The following DHX33 variants were observed in gnomAD, a reference collection of about 807,000 sequenced individuals.
The protein encoded by DHX33 is DEAH-box helicase 33.
A neutral mutation model predicts 72.5 loss-of-function variants in DHX33; 42 were observed. The ratio of observed to expected loss-of-function variants is 0.58; its 90% CI spans 0.45 to 0.75. The LOEUF (loss-of-function observed/expected upper bound fraction) is 0.75. DHX33 is among the 30% of genes least tolerant of loss of function. The pLI is 0.00. For synonymous variants in DHX33, 358 were observed against 366.1 expected (o/e 0.98, Z 0.25); for missense variants, 842 against 917.5 (o/e 0.92, Z 1.06).
At chr17:5,445,856 C>A (rs1192215838) in intron 11 of DHX33, among the ~76,000 whole-genome samples, 1 of 152,146 alleles carries the variant, frequency 6.6e-6, no homozygotes, top group Non-Finnish European at 1.5e-5. Flanking sequence ...TCCTGTGACT[C>A]TATTTCCTGC....
intron 1 of DHX33, among the ~76,000 whole-genome samples, chr17:5,467,072 G>T (rs900377454): frequency 6.6e-6 from 1 of 152,168 alleles, no homozygotes; most frequent in Non-Finnish European, 1.5e-5. Context: ...CTAGTAAAAA[G>T]CGCTGCTAAA....
In DHX33 at chr17:5,468,701, C is replaced by A; in HGVS notation, c.159G>T (p.Pro53=). 6.2e-7 allele frequency: 1 copy of A among 1,611,330 alleles called. No homozygotes were observed. Among genetic ancestry groups the A allele is most frequent in the East Asian group, 2.2e-5 (1 of 44,838 alleles). ...RGGGGGRRQQ[P]PLAQPSASPY... ...GACTGGCCGAGGGCTGGGCCAGGGG[C>A]GGCTGCTGCCTCCGGCCTCCTCCTC... The change falls in exon 1 of 12, where the codon CCG becomes CCT. Residue 53 remains proline (P), a synonymous_variant. Coordinates refer to ENST00000225296, the MANE Select transcript of DHX33 (RefSeq NM_020162.4).
chr17:5,461,604 T>A (rs1401490575), intron 3 of DHX33, among the ~76,000 whole-genome samples: 1 of 111,128 alleles, frequency 9.0e-6, no homozygotes, highest in Non-Finnish European at 1.7e-5. Context: ...GGTAACAGAG[T>A]GCAAAAAAAA....
At chr17:5,450,112 C>T (rs1013476496) in intron 10 of DHX33, 91 bp downstream of exon 10, 29 of 1,487,364 alleles carry the variant, frequency 1.9e-5, no homozygotes, top group African/African-American at 2.8e-5. Context: ...AAAGGGAAAG[C>T]GTACTTTTTG....
intron 10 of DHX33, 83 bp downstream of exon 10, chr17:5,450,120 T>G: frequency 6.5e-7 from 1 of 1,538,130 alleles, no homozygotes; most frequent in South Asian, 1.1e-5. Context: ...AGCGTACTTT[T>G]TGCACGGCTT....
chr17:5,463,838 T>C (rs1468103040), intron 1 of DHX33, 149 bp from the exon 2 acceptor site: 6 of 663,362 alleles, frequency 9.0e-6, no homozygotes, highest in East Asian at 2.9e-5. Context: ...CTGGGCAACA[T>C]AGCAAGACCC....
intron 2 of DHX33, among the ~76,000 whole-genome samples, chr17:5,463,209 C>T (rs922494446): frequency 1.3e-5 from 2 of 152,116 alleles, no homozygotes; most frequent in African/African-American, 4.8e-5. Flanking sequence ...ATTCTCAATA[C>T]TCACATATAC....
chr17:5,458,876 T>C (rs1162062219), intron 4 of DHX33, among the ~76,000 whole-genome samples: 1 of 152,198 alleles, frequency 6.6e-6, no homozygotes, highest in East Asian at 1.9e-4. Context: ...TTTTTAAAAC[T>C]TTAAATCCCA....
chr17:5,450,376 T>C lies in DHX33; in HGVS notation c.1555A>G (p.Thr519Ala), dbSNP rs752738934. ...TILMSPKFHC[T>A]EEILTIVSLL... ...GAGACAATGGTCAGGATCTCCTCTG[T>C]ACAGTGGAATTTGGGGGACATGAGG... The change falls in exon 10 of 12, where the codon ACA becomes GCA. Residue 519 changes from threonine to alanine, a missense_variant. By Grantham distance (58) the Thr-to-Ala change is moderately conservative. Coordinates refer to ENST00000225296, the MANE Select transcript of DHX33 (RefSeq NM_020162.4). 3.7e-6 allele frequency: 6 copies of C among 1,614,036 alleles called. No homozygotes were observed. The highest frequency in any genetic ancestry group is 3.4e-6 in the Non-Finnish European group (4 of 1,180,022).
At chr17:5,467,347 T>A (rs1904917414) in intron 1 of DHX33, among the ~76,000 whole-genome samples, 1 of 152,118 alleles carries the variant, frequency 6.6e-6, no homozygotes, top group African/African-American at 2.4e-5. Flanking sequence ...AAACTCTCCA[T>A]CCCCTCGTTG....
rs376884742 is a variant in DHX33 at position 5,444,216 on chromosome 17, C to T, written c.2113G>A (p.Ala705Thr). ...PEYFRRKLRT[A>T]RN Reference sequence around the variant, plus strand: ...CATCCTGGGGCGGCTCAGTTTCTGGCGGTTCTCAGCTTCCTCCTAAAGTAC... The same window carrying T: ...CATCCTGGGGCGGCTCAGTTTCTGGTGGTTCTCAGCTTCCTCCTAAAGTAC... The change falls in exon 12 of 12, where the codon GCC becomes ACC. Residue 705 changes from alanine to threonine, a missense_variant. Ala to Thr is a moderately conservative substitution (Grantham distance 58, BLOSUM62 0). Coordinates refer to ENST00000225296, the MANE Select transcript of DHX33 (RefSeq NM_020162.4). This position sits in a 1 kb window ranked among gnomAD's most constrained non-coding sequence, Gnocchi z 4.9. The T allele has an allele frequency of 1.3e-5, 21 of 1,612,266 alleles. No individual in the cohort carries two copies. The highest frequency in any genetic ancestry group is 2.2e-5 in the South Asian group (2 of 91,004).
At chr17:5,449,042 G>A in intron 10 of DHX33, 147 bp from the exon 11 acceptor site, 1 of 504,182 alleles carries the variant, frequency 2.0e-6, no homozygotes, top group Non-Finnish European at 3.5e-6. Context: ...CAGCCTCCCA[G>A]ATAGCTTGAA....
At chr17:5,461,157 C>A (rs767810567) in intron 3 of DHX33, 48 bp from the exon 4 acceptor site, 5 of 1,566,666 alleles carry the variant, frequency 3.2e-6, no homozygotes, top group Non-Finnish European at 4.3e-6. Flanking sequence ...AGTGGGAAGG[C>A]CTTTCCGTGT....
In DHX33 at chr17:5,450,259, C is replaced by T; in HGVS notation, c.1672G>A (p.Asp558Asn). ...TAGATATTGAGCAGGGTCATGTGAT[C>T]CCCCTCGCTGGATATGAACTTCTTG... ...VRKKFISSEG[D>N]HMTLLNIYRT... Residue 558 changes from aspartate (D) to asparagine (N), a missense_variant, in exon 10 of 12, where the codon GAT (aspartate) becomes AAT (asparagine). By Grantham distance (23) the Asp-to-Asn change is conservative. Coordinates refer to ENST00000225296, the MANE Select transcript of DHX33 (RefSeq NM_020162.4). The T allele has an allele frequency of 6.2e-7, 1 of 1,614,174 alleles. No homozygotes were observed. Among genetic ancestry groups the T allele is most frequent in the Non-Finnish European group, 8.5e-7 (1 of 1,180,044 alleles).
chr17:5,450,842 T>A lies in DHX33; in HGVS notation c.1489A>T (p.Met497Leu). 1.2e-6 allele frequency: 2 copies of A among 1,614,210 alleles called. No individual in the cohort carries two copies. The highest frequency in any genetic ancestry group is 1.7e-6 in the Non-Finnish European group (2 of 1,180,036). The change falls in exon 9 of 12, where the codon ATG becomes TTG. Residue 497 changes from methionine (M) to leucine (L), a missense_variant. Transcript: ENST00000225296. ...TTGGGTTCTAAAGGAAATGCTGCCA[T>A]CTTTCTTCCCATTGGAGTCAGGGTA... ...QLTLTPMGRK[M>L]AAFPLEPKFA...
intron 11 of DHX33, among the ~76,000 whole-genome samples, chr17:5,447,758 T>A (rs1916716951): frequency 6.6e-6 from 1 of 152,192 alleles, no homozygotes; most frequent in Admixed American, 6.5e-5. Flanking sequence ...TACAACAGAA[T>A]CTAAATGACC....
chr17:5,449,459 T>TA (rs1290267777), intron 10 of DHX33, among the ~76,000 whole-genome samples: 1 of 152,120 alleles, frequency 6.6e-6, no homozygotes, highest in East Asian at 1.9e-4. Flanking sequence ...TGGAGATAGA[T>TA]AGAGTCTCGC....
chr17:5,450,366 A>T lies in DHX33; in HGVS notation c.1565T>A (p.Ile522Asn), dbSNP rs1347150321. ...AGACAGCAGGGAGACAATGGTCAGG[A>T]TCTCCTCTGTACAGTGGAATTTGGG... The part of the protein sequence containing the change: ...MSPKFHCTEE[I>N]LTIVSLLSVD... Residue 522 changes from isoleucine (I) to asparagine (N), a missense_variant, in exon 10 of 12, where the codon ATC becomes AAC. Transcript: ENST00000225296. The T allele has an allele frequency of 6.2e-7, 1 of 1,614,056 alleles. No individual in the cohort carries two copies. Among genetic ancestry groups the T allele is most frequent in the Non-Finnish European group, 8.5e-7 (1 of 1,180,048 alleles).
chr17:5,466,128 G>C (rs1035127263), intron 1 of DHX33, among the ~76,000 whole-genome samples: 1 of 152,144 alleles, frequency 6.6e-6, no homozygotes, highest in African/African-American at 2.4e-5. Context: ...TTTGACTTCA[G>C]GATGGAGCAA....
Sources: allele counts gnomAD v4.1 joint callset (sites outside exome capture counted in the v4.1 genomes callset), GRCh38; gene constraint gnomAD v4.1.1; non-coding constraint Gnocchi (gnomAD v3.1); transcripts MANE v1.5; gene names NCBI Gene and HGNC (gene_info 2026-07-23, HGNC 2026-07-21).